The following RGS22 variants were observed in gnomAD, a reference collection of about 807,000 sequenced individuals.
RGS22 encodes the protein regulator of G-protein signaling 22.
RGS22 carries 148 observed loss-of-function variants against 172.9 expected under a neutral mutation model. The ratio of observed to expected loss-of-function variants is 0.86; its 90% CI spans 0.75 to 0.98. RGS22 has a LOEUF of 0.98. RGS22 is among the 50% of genes least tolerant of loss of function. The pLI, the probability that RGS22 is intolerant of heterozygous loss-of-function variation, is 0.00. For synonymous variants in RGS22, 458 were observed against 480.2 expected (o/e 0.95, Z 0.60); for missense variants, 1,347 against 1,440.8 (o/e 0.93, Z 1.05).
At chr8:99,974,003 TA>T (rs938261020) in intron 23 of RGS22, among the ~76,000 whole-genome samples, 5 of 151,918 alleles carry the variant, frequency 3.3e-5, no homozygotes, top group Non-Finnish European at 5.9e-5. Context: ...TAAAGTATAA[TA>T]AAAAAATGCA....
intron 14 of RGS22, among the ~76,000 whole-genome samples, chr8:100,012,163 T>C (rs1816453090): frequency 6.6e-6 from 1 of 151,872 alleles, no homozygotes; most frequent in Admixed American, 6.6e-5. Flanking sequence ...TAAAGTGCAA[T>C]TGAAATGCTC....
chr8:99,969,285 A>G (rs1811080194), intron 23 of RGS22, among the ~76,000 whole-genome samples: 1 of 152,188 alleles, frequency 6.6e-6, no homozygotes, highest in Non-Finnish European at 1.5e-5. Context: ...CACTGCAAAA[A>G]CATACCAAAA....
intron 22 of RGS22, among the ~76,000 whole-genome samples, chr8:99,979,083 A>C (rs912755757): frequency 6.6e-6 from 1 of 152,222 alleles, no homozygotes; most frequent in Non-Finnish European, 1.5e-5. Flanking sequence ...ATCTAGAGAT[A>C]CTTTATTTGA....
At chr8:100,049,745 G>C in intron 10 of RGS22, among the ~76,000 whole-genome samples, 1 of 152,130 alleles carries the variant, frequency 6.6e-6, no homozygotes, top group East Asian at 1.9e-4. Flanking sequence ...CAGGGAGAGA[G>C]CTTGTTAGAA....
At chr8:100,088,801 T>C (rs1425803723) in intron 3 of RGS22, among the ~76,000 whole-genome samples, 1 of 151,800 alleles carries the variant, frequency 6.6e-6, no homozygotes, top group African/African-American at 2.4e-5. Context: ...CACAATCCGG[T>C]TATAGGACCT....
chr8:100,006,422 T>A (rs1318945698), intron 15 of RGS22, among the ~76,000 whole-genome samples: 1 of 152,158 alleles, frequency 6.6e-6, no homozygotes, highest in Non-Finnish European at 1.5e-5. Context: ...TTGATAATAG[T>A]CATGAAAGCA....
chr8:99,965,386 TTTGA>T lies in RGS22; in HGVS notation c.3560_3563del (p.Ile1187LysfsTer10). The T allele has an allele frequency of 6.2e-7, 1 of 1,613,712 alleles. No individual in the cohort carries two copies. The highest frequency in any genetic ancestry group is 1.1e-5 in the South Asian group (1 of 91,024). Reference sequence around the variant, plus strand: ...GGAAGGAATCACTGAGTAAAGCAGTTTTGATAGCAGGCACTGAAGTATTTGCATA... The same window carrying T: ...GGAAGGAATCACTGAGTAAAGCAGTTTAGCAGGCACTGAAGTATTTGCATA... On this transcript the variant is annotated frameshift_variant, in exon 24 of 28. Coordinates refer to ENST00000360863, the MANE Select transcript of RGS22 (RefSeq NM_015668.5). LOFTEE classifies it high-confidence loss of function.
chr8:100,071,048 G>A lies in RGS22; in HGVS notation c.594+321C>T, dbSNP rs554456011. 1.7e-4 allele frequency among the ~76,000 whole-genome samples: 26 copies of A among 152,038 alleles called. No individual in the cohort carries two copies. In the East Asian group the frequency reaches 3.5e-3, roughly 20 times the overall value. Reference sequence around the variant, plus strand: ...CTGTAATCCCAGCACTTTGGGAGGCGGAGGTGAGTGGATTCCTTGAGCCTA... The same window carrying A: ...CTGTAATCCCAGCACTTTGGGAGGCAGAGGTGAGTGGATTCCTTGAGCCTA... On this transcript the variant is annotated intron_variant, in intron 6 of 27. Coordinates refer to ENST00000360863, the MANE Select transcript of RGS22 (RefSeq NM_015668.5).
intron 14 of RGS22, among the ~76,000 whole-genome samples, chr8:100,027,497 T>G (rs1818310373): frequency 6.6e-6 from 1 of 152,158 alleles, no homozygotes; most frequent in Non-Finnish European, 1.5e-5. Context: ...TATTTATTTA[T>G]TTTGAGATGG....
Position 100,008,584 on chromosome 8 carries a change from G to A in RGS22, c.2167-15C>T. ...GCAAAAAGATACTGAAGGAGAAGAG[G>A]GAAGAAGGGAGAAGATGTTAAGAGA... On this transcript the variant is annotated splice_polypyrimidine_tract_variant and intron_variant, in intron 14 of 27. Transcript: ENST00000360863. 6.3e-7 allele frequency: 1 copy of A among 1,591,326 alleles called. No individual in the cohort carries two copies. Among genetic ancestry groups the A allele is most frequent in the South Asian group, 1.1e-5 (1 of 87,714 alleles).
chr8:100,070,479 G>C (rs1810884094), intron 6 of RGS22, among the ~76,000 whole-genome samples: 1 of 152,154 alleles, frequency 6.6e-6, no homozygotes, highest in Non-Finnish European at 1.5e-5. Flanking sequence ...TTACTATCAA[G>C]AACTCTACTT....
At chr8:100,096,221 C>T (rs1041100017) in intron 2 of RGS22, among the ~76,000 whole-genome samples, 4 of 152,172 alleles carry the variant, frequency 2.6e-5, no homozygotes, top group African/African-American at 9.7e-5. Context: ...TGCTCTAAGT[C>T]TCTATGCTTA....
chr8:100,028,455 CAA>C (rs201672610), intron 14 of RGS22, among the ~76,000 whole-genome samples: 3,181 of 91,754 alleles, frequency 0.035, 82 homozygotes, highest in East Asian at 0.19. Context: ...ACCTAGGAGA[CAA>C]AAAAAAAAAA....
At chr8:99,962,830 T>C in intron 25 of RGS22, 55 bp downstream of exon 25, 1 of 1,581,550 alleles carries the variant, frequency 6.3e-7, no homozygotes, top group Non-Finnish European at 8.6e-7. Flanking sequence ...TCTTCTAAAA[T>C]TAATCTGTGA....
intron 12 of RGS22, among the ~76,000 whole-genome samples, chr8:100,040,966 AT>A (rs1304531507): frequency 2.0e-5 from 3 of 152,204 alleles, no homozygotes; most frequent in African/African-American, 7.2e-5. Context: ...TAAAAAAAAA[AT>A]CATTATTTTA....
At position 100,063,664 on chromosome 8, in the gene RGS22, T is replaced by C. The variant is rs376974826; in HGVS notation, c.1104A>G (p.Glu368=). Reference sequence around the variant, plus strand: ...ACCTCTCCTTTGTAGTTTGAACTAATTCACTTAAAAAATTCTTGCCATGAA... The same window carrying C: ...ACCTCTCCTTTGTAGTTTGAACTAACTCACTTAAAAAATTCTTGCCATGAA... ...ESIHGKNFLS[E]LVQTTKERSE... is the part of the protein sequence containing the mutation. The change falls in exon 8 of 28, where the codon GAA becomes GAG. Residue 368 remains glutamate (E), a synonymous_variant. Transcript: ENST00000360863. The C allele has an allele frequency of 6.9e-5, 111 of 1,614,060 alleles. No homozygotes were observed. The highest frequency in any genetic ancestry group is 1.9e-4 in the African/African-American group (14 of 75,056).
chr8:99,985,710 G>A (rs1024416270), intron 21 of RGS22, among the ~76,000 whole-genome samples: 8 of 152,134 alleles, frequency 5.3e-5, no homozygotes, highest in African/African-American at 1.9e-4. Flanking sequence ...AGTCTGTCAT[G>A]CTATATTGTA....
rs779978371 is a variant in RGS22, at chr8:100,006,071, T to C, written c.2400A>G (p.Thr800=). The change falls in exon 16 of 28, where the codon ACA becomes ACG. Residue 800 remains threonine, a synonymous_variant. Transcript: ENST00000360863. ...GCAAAGCCTGTAGCTTTCTGAAGTA[T>C]GTGGAGTCTAACTGTCGAGTTTCTT... The part of the protein sequence containing the change: ...LVEETRQLDS[T]YFRKLQALHK... The C allele has an allele frequency of 2.8e-5, 45 of 1,613,434 alleles. No homozygotes were observed. The East Asian group carries it at 4.0e-4, about 14-fold the overall frequency.
At chr8:99,985,525 T>C (rs1038547392) in intron 21 of RGS22, among the ~76,000 whole-genome samples, 1 of 152,184 alleles carries the variant, frequency 6.6e-6, no homozygotes, top group African/African-American at 2.4e-5. Flanking sequence ...AGAATCAACA[T>C]TATTTCCTAA....
Sources: allele counts gnomAD v4.1 joint callset (sites outside exome capture counted in the v4.1 genomes callset), GRCh38; gene constraint gnomAD v4.1.1; transcripts MANE v1.5; gene names NCBI Gene and HGNC (gene_info 2026-07-23, HGNC 2026-07-21).